The following PIK3CB variants were observed in gnomAD, a reference collection of about 807,000 sequenced individuals.
The protein encoded by PIK3CB is phosphatidylinositol 4,5-bisphosphate 3-kinase catalytic subunit beta isoform.
Under a neutral mutation model 136.8 loss-of-function variants are expected in PIK3CB, and 39 were observed. That is an observed-to-expected ratio of 0.29 (90% confidence interval 0.22 to 0.37). The LOEUF is 0.37. Among genes scored for constraint, PIK3CB ranks in the 10% least tolerant of loss-of-function variants. The pLI is 1.00. For synonymous variants in PIK3CB, 428 were observed against 436.6 expected (o/e 0.98, Z 0.25); for missense variants, 868 against 1,275.4 (o/e 0.68, Z 4.87).
At position 138,665,156 on chromosome 3, in the gene PIK3CB, A is replaced by T. The variant is rs2108422593; in HGVS notation, c.2552T>A (p.Ile851Asn). 1 of 1,613,332 alleles carries T rather than the reference A, an allele frequency of 6.2e-7. No homozygotes were observed. The highest frequency in any genetic ancestry group is 1.1e-5 in the South Asian group (1 of 90,812). ...TGTTTCAGAGGTGCTCACAACTTCA[A>T]TGAGGCCAGAGCGATCTCCTGTTGC... Reference protein sequence around the residue: ...CLATGDRSGLIEVVSTSETIA... With the variant: ...CLATGDRSGLNEVVSTSETIA... The change falls in exon 20 of 24, where the codon ATT becomes AAT. Residue 851 changes from isoleucine to asparagine, a missense_variant. Physicochemically the swap from Ile to Asn is moderately radical, Grantham distance 149. Around this residue, in one of 4 missense-constraint regions of PIK3CB, gnomAD observed 165 missense variants for 295.4 expected, o/e 0.56. Coordinates refer to ENST00000674063, the MANE Select transcript of PIK3CB (RefSeq NM_006219.3).
intron 8 of PIK3CB, among the ~76,000 whole-genome samples, chr3:138,716,893 CAAAA>C (rs376627250): frequency 5.4e-4 from 6 of 11,082 alleles, no homozygotes; most frequent in East Asian, 3.6e-3. Flanking sequence ...GATTGTGTCT[CAAAA>C]AAAAAAAAAA....
chr3:138,783,929 C>T (rs983063929), intron 2 of PIK3CB, among the ~76,000 whole-genome samples: 2 of 151,978 alleles, frequency 1.3e-5, no homozygotes, highest in African/African-American at 2.4e-5. Context: ...AACCCATAAA[C>T]ATATGGGGGA....
intron 1 of PIK3CB, among the ~76,000 whole-genome samples, chr3:138,799,876 G>T (rs2046152848): frequency 6.6e-6 from 1 of 151,438 alleles, no homozygotes; most frequent in Admixed American, 6.6e-5. Flanking sequence ...ACAGGGTTTT[G>T]CCATGTTGCC....
chr3:138,728,081 G>T (rs2044880512), intron 8 of PIK3CB, among the ~76,000 whole-genome samples: 1 of 152,032 alleles, frequency 6.6e-6, no homozygotes. Context: ...CAAAGTTCTG[G>T]GAATGTAGGC....
chr3:138,833,879 ACCTGAGACAGGGTTCCAATTCAGC>A (rs1422659223), intron 1 of PIK3CB, among the ~76,000 whole-genome samples: 1 of 152,162 alleles, frequency 6.6e-6, no homozygotes, highest in African/African-American at 2.4e-5. Flanking sequence ...CCCACTCAGT[ACCTGAGACAGGGTTCCAATTCAGC>A]CCTGCGGGAA....
chr3:138,716,058 GA>G (rs200345261), intron 8 of PIK3CB, among the ~76,000 whole-genome samples: 29 of 151,378 alleles, frequency 1.9e-4, no homozygotes, highest in South Asian at 1.7e-3. Flanking sequence ...CTTTTCTTTT[GA>G]AAAAAAATTA....
chr3:138,778,169 C>G (rs2045882451), intron 2 of PIK3CB: 2 of 450,698 alleles, frequency 4.4e-6, no homozygotes, highest in South Asian at 3.1e-5. Context: ...AAAGGAGAAA[C>G]CGAAAGGGTC....
intron 23 of PIK3CB, 23 bp downstream of exon 23, chr3:138,656,119 G>A (rs745504862): frequency 1.9e-6 from 3 of 1,612,898 alleles, no homozygotes; most frequent in South Asian, 1.1e-5. Context: ...AAGTCCAAGA[G>A]AGAAGGAAAA....
intron 2 of PIK3CB, among the ~76,000 whole-genome samples, chr3:138,785,255 G>A (rs1443454903): frequency 6.6e-5 from 10 of 150,996 alleles, no homozygotes; most frequent in East Asian, 2.0e-4. Context: ...GCTCCCGCCC[G>A]GCAGCCGCCC....
Position 138,707,183 on chromosome 3 carries a change from A to C in PIK3CB, c.1506T>G (p.Pro502=), listed in dbSNP as rs200598451. ...HVKFPENKKQ[P]YYYPPFDKII... Reference sequence around the variant, plus strand: ...CCTTATCGAAGGGAGGGTAATAATAAGGTTGTTTTTTATTCTCTGGAAATT... The same window carrying C: ...CCTTATCGAAGGGAGGGTAATAATACGGTTGTTTTTTATTCTCTGGAAATT... Residue 502 remains proline, a synonymous_variant, in exon 11 of 24, where the codon CCT becomes CCG. Transcript: ENST00000674063. 6 of 1,605,302 alleles carry C rather than the reference A, an allele frequency of 3.7e-6. No homozygotes were observed. The highest frequency in any genetic ancestry group is 5.1e-6 in the Non-Finnish European group (6 of 1,172,980).
At chr3:138,809,824 G>C (rs1232493126) in intron 1 of PIK3CB, among the ~76,000 whole-genome samples, 2 of 152,070 alleles carry the variant, frequency 1.3e-5, no homozygotes, top group African/African-American at 4.8e-5. Context: ...TATCAGCTGA[G>C]AGAGCTTAGA....
Position 138,683,741 on chromosome 3 carries a change from G to A in PIK3CB, c.2362C>T (p.Leu788=). 1 of 1,609,070 alleles carries A rather than the reference G, an allele frequency of 6.2e-7. No individual in the cohort carries two copies. Residue 788 remains leucine (L), a synonymous_variant, in exon 18 of 24, where the codon CTG becomes TTG. Transcript: ENST00000674063. ...YMDSKMKPLW[L]VYNNKVFGED... ...CCAAATACCTTGTTATTGTATACCA[G>A]CCACAAAGGCTTCATTTTGGAATCC...
intron 8 of PIK3CB, among the ~76,000 whole-genome samples, chr3:138,722,871 T>A (rs1056336786): frequency 6.6e-6 from 1 of 152,038 alleles, no homozygotes; most frequent in African/African-American, 2.4e-5. Flanking sequence ...TCTGAAAAAA[T>A]TTGTTGAAAA....
chr3:138,806,528 C>A (rs560110866), intron 1 of PIK3CB, among the ~76,000 whole-genome samples: 14 of 152,118 alleles, frequency 9.2e-5, no homozygotes, highest in African/African-American at 2.9e-4. Flanking sequence ...CACATGATAA[C>A]TAAACATGCT....
At chr3:138,831,286 T>TAAAATTAAATA (rs879667038) in intron 1 of PIK3CB, among the ~76,000 whole-genome samples, 1 of 85,474 alleles carries the variant, frequency 1.2e-5, no homozygotes. Flanking sequence ...AAAATAAAAT[T>TAAAATTAAATA]AAATTAAATT....
intron 2 of PIK3CB, among the ~76,000 whole-genome samples, chr3:138,773,235 C>T (rs1370086328): frequency 6.6e-6 from 1 of 151,854 alleles, no homozygotes; most frequent in African/African-American, 2.4e-5. Flanking sequence ...ACCTTCTCTA[C>T]TAAAAATACA....
At chr3:138,714,772 A>G in intron 8 of PIK3CB, 53 bp from the exon 9 acceptor site, 2 of 1,426,168 alleles carry the variant, frequency 1.4e-6, no homozygotes, top group Non-Finnish European at 1.9e-6. Context: ...TGTACCACGA[A>G]AAACATCTCT....
At chr3:138,780,077 C>T (rs923802361) in intron 2 of PIK3CB, among the ~76,000 whole-genome samples, 4 of 152,008 alleles carry the variant, frequency 2.6e-5, no homozygotes, top group South Asian at 2.1e-4. Context: ...CCTGCCTCAG[C>T]CTTCCAAGTA....
At chr3:138,802,382 A>AAAAGAAAG (rs372416229) in intron 1 of PIK3CB, among the ~76,000 whole-genome samples, 1 of 151,636 alleles carries the variant, frequency 6.6e-6, no homozygotes, top group Non-Finnish European at 1.5e-5. Flanking sequence ...TCTCAAAAAA[A>AAAAGAAAG]AAAGAAAGAA....
Sources: allele counts gnomAD v4.1 joint callset (sites outside exome capture counted in the v4.1 genomes callset), GRCh38; gene constraint gnomAD v4.1.1; regional missense constraint gnomAD v4.1.1; transcripts MANE v1.5; gene names NCBI Gene and HGNC (gene_info 2026-07-23, HGNC 2026-07-21).